The following KIAA0753 variants were observed in gnomAD, a reference collection of about 807,000 sequenced individuals.
KIAA0753 encodes the protein protein moonraker.
In KIAA0753, 114 loss-of-function variants were observed where a neutral mutation model predicts 116.9. The ratio of observed to expected loss-of-function variants is 0.98; its 90% confidence interval spans 0.84 to 1.14. KIAA0753 has a LOEUF of 1.14. Ranked by LOEUF, KIAA0753 falls within the 50% of genes most tolerant of loss-of-function variation. KIAA0753 has a pLI of 0.00. For synonymous variants in KIAA0753, 405 were observed against 413.1 expected (o/e 0.98, Z 0.24); for missense variants, 1,156 against 1,172.4 (o/e 0.99, Z 0.20).
At position 6,612,080 on chromosome 17, in the gene KIAA0753, C is replaced by T. The variant is rs1451067442; in HGVS notation, c.1384G>A (p.Ala462Thr). ...GGTCCTTCTTCCAGAACTATATCCG[C>T]ATCTAATACATCAAGCTCACTCTGC... is the stretch of plus-strand genomic sequence containing the variant. Reference protein sequence around the residue: ...RLQSELDVLDADIVLEEGPFI... With the variant: ...RLQSELDVLDTDIVLEEGPFI... The change falls in exon 8 of 19, where the codon GCG (alanine) becomes ACG (threonine). Residue 462 changes from alanine to threonine, a missense_variant. Physicochemically the swap from Ala to Thr is moderately conservative, Grantham distance 58 (BLOSUM62 0). Coordinates refer to ENST00000361413, the MANE Select transcript of KIAA0753 (RefSeq NM_014804.3). 6.2e-7 allele frequency: 1 copy of T among 1,614,180 alleles called. No homozygotes were observed. The highest frequency in any genetic ancestry group is 2.2e-5 in the East Asian group (1 of 44,882).
chr17:6,611,904 G>A lies in KIAA0753; in HGVS notation c.1545+15C>T, dbSNP rs1470745821. On this transcript the variant is annotated intron_variant, in intron 8 of 18. Coordinates refer to ENST00000361413, the MANE Select transcript of KIAA0753 (RefSeq NM_014804.3). ...ATTAACACAAATGGGCCAAAAGAGAGGAATGATTTCATACTTGCTGTCTTG... is the reference window on the plus strand; with the variant it reads ...ATTAACACAAATGGGCCAAAAGAGAAGAATGATTTCATACTTGCTGTCTTG... 2 of 1,605,582 alleles carry A rather than the reference G, an allele frequency of 1.2e-6. No homozygotes were observed. The highest frequency in any genetic ancestry group is 2.2e-5 in the South Asian group (2 of 90,844).
At position 6,596,238 on chromosome 17, in the gene KIAA0753, A is replaced by G. The variant is rs531928544; in HGVS notation, c.2278T>C (p.Ser760Pro). 41 of 1,613,566 alleles carry G rather than the reference A, an allele frequency of 2.5e-5. No individual in the cohort carries two copies. Among genetic ancestry groups the G allele is most frequent in the Non-Finnish European group, 3.1e-5 (37 of 1,179,820 alleles). The change falls in exon 15 of 19, where the codon TCT becomes CCT. Residue 760 changes from serine to proline, a missense_variant. Physicochemically the swap from Ser to Pro is moderately conservative, Grantham distance 74. Transcript: ENST00000361413. ...TCCTCAACGGTGGCTAAGGTTTCAG[A>G]CCCCAAGATCTTAGCATGAGTCACA... is the stretch of plus-strand genomic sequence containing the variant. ...WAVTHAKILG[S>P]ETLATVEDSK...
chr17:6,606,254 A>G (rs1970187666), intron 12 of KIAA0753, among the ~76,000 whole-genome samples: 1 of 152,196 alleles, frequency 6.6e-6, no homozygotes, highest in Non-Finnish European at 1.5e-5. Context: ...CTGAGACTGA[A>G]CACTCCATCA....
intron 7 of KIAA0753, among the ~76,000 whole-genome samples, chr17:6,616,157 A>C (rs1007799718): frequency 5.3e-5 from 8 of 152,362 alleles, no homozygotes; most frequent in East Asian, 1.9e-4. Flanking sequence ...CCATAATCTT[A>C]AGTGTTTTAC....
chr17:6,603,065 T>C lies in KIAA0753; in HGVS notation c.2010-2607A>G, dbSNP rs1969978056. ...CTCTCAACATTTTTAAATTTTAAAA[T>C]TTAAACACTGGCAGAAATGACAAAC... is the stretch of plus-strand genomic sequence containing the variant. On this transcript the variant is annotated intron_variant, in intron 12 of 18. Coordinates refer to ENST00000361413, the MANE Select transcript of KIAA0753 (RefSeq NM_014804.3). Among the ~76,000 whole-genome samples the C allele has an allele frequency of 2.6e-5, 4 of 152,100 alleles. No homozygotes were observed. In the South Asian group the frequency reaches 8.3e-4, roughly 32 times the overall value.
In KIAA0753 at chr17:6,626,250, G is replaced by A. The variant is rs115467142; in HGVS notation, c.719-1389C>T. Among the ~76,000 whole-genome samples the A allele has an allele frequency of 7.2e-3, 1,099 of 152,226 alleles. 11 individuals are homozygous for A. Among genetic ancestry groups the A allele is most frequent in the Middle Eastern group, 0.027 (8 of 294 alleles). On this transcript the variant is annotated intron_variant, in intron 3 of 18. Transcript: ENST00000361413. ...CACTTATACAAACAAATTCTTATAC[G>A]AAACTCCAATATACTCCAATTATCA...
chr17:6,621,887 T>C (rs757578792), intron 6 of KIAA0753, among the ~76,000 whole-genome samples: 3 of 152,216 alleles, frequency 2.0e-5, no homozygotes, highest in Non-Finnish European at 4.4e-5. Context: ...AGGTCTGCAT[T>C]TGACAACAGC....
intron 14 of KIAA0753, among the ~76,000 whole-genome samples, chr17:6,597,520 T>C (rs1969566972): frequency 6.6e-6 from 1 of 152,232 alleles, no homozygotes; most frequent in Non-Finnish European, 1.5e-5. Flanking sequence ...GAACAGCATA[T>C]GGCACCTGCT....
intron 2 of KIAA0753, among the ~76,000 whole-genome samples, chr17:6,630,433 C>G (rs1459730200): frequency 2.0e-5 from 3 of 151,548 alleles, no homozygotes; most frequent in Non-Finnish European, 4.4e-5. Context: ...CAATCGCTAA[C>G]AAAAACACCA....
Position 6,596,065 on chromosome 17 carries a change from C to T in KIAA0753, c.2358+93G>A, listed in dbSNP as rs147306900. 6.0e-3 allele frequency: 7,594 copies of T among 1,264,662 alleles called. 29 individuals carry two copies. The highest frequency in any genetic ancestry group is 7.2e-3 in the Non-Finnish European group (6,513 of 898,380). 78.3% of individuals were successfully genotyped at this position (1,264,662 alleles called of 1,614,324 possible). ...GATTTAAAACTGGGACTGTGTGACT[C>T]TAACAGATGAGGCTGCAGAGGCATG... On this transcript the variant is annotated intron_variant, in intron 15 of 18. Transcript: ENST00000361413.
Position 6,623,508 on chromosome 17 carries a change from C to A in KIAA0753, c.888+1G>T. ...TTGATCATAATTTAATTGCAGCATA[C>A]CTTCTTAGTGTGTTTAATTTTATGT... On this transcript the variant is annotated splice_donor_variant, in intron 5 of 18. Transcript: ENST00000361413. LOFTEE classifies it high-confidence loss of function. 3 of 1,594,896 alleles carry A rather than the reference C, an allele frequency of 1.9e-6. No individual in the cohort carries two copies. The highest frequency in any genetic ancestry group is 2.6e-6 in the Non-Finnish European group (3 of 1,165,558).
chr17:6,624,845 A>C lies in KIAA0753; in HGVS notation c.735T>G (p.Ala245=). The change falls in exon 4 of 19, where the codon GCT becomes GCG. Residue 245 remains alanine (A), a synonymous_variant. Coordinates refer to ENST00000361413, the MANE Select transcript of KIAA0753 (RefSeq NM_014804.3). ...TTCGACGTTCTTCATCTGGATCCAA[A>C]GCTTCTTCTAGTCTATCTGAAAATA... ...EVTKKDRLEE[A]LDPDEERRIR... is the part of the protein sequence containing the mutation. 1 of 1,556,366 alleles carries C rather than the reference A, an allele frequency of 6.4e-7. No individual in the cohort carries two copies. Among genetic ancestry groups the C allele is most frequent in the East Asian group, 2.4e-5 (1 of 42,084 alleles).
At chr17:6,588,491 T>C (rs1351004275) in intron 18 of KIAA0753, among the ~76,000 whole-genome samples, 2 of 152,070 alleles carry the variant, frequency 1.3e-5, no homozygotes, top group South Asian at 2.1e-4. Flanking sequence ...AAAAGGGGTC[T>C]CAGGAGAAAA....
Position 6,596,339 on chromosome 17 carries a change from G to T in KIAA0753, c.2177C>A (p.Ala726Glu). ...TAKAQPAQEVAAVDFESNNIR... is the reference protein window; with the variant it reads ...TAKAQPAQEVEAVDFESNNIR... ...GTTGTTGGATTCAAAATCAACAGCT[G>T]CAACCTACAAGATGGGGTGGGGTGG... The change falls in exon 15 of 19, where the codon GCA becomes GAA. Residue 726 changes from alanine to glutamate, a missense_variant. Ala to Glu is a moderately radical substitution (Grantham distance 107, BLOSUM62 -1). Coordinates refer to ENST00000361413, the MANE Select transcript of KIAA0753 (RefSeq NM_014804.3). 6.6e-7 allele frequency: 1 copy of T among 1,518,448 alleles called. No homozygotes were observed. Among genetic ancestry groups the T allele is most frequent in the Non-Finnish European group, 8.9e-7 (1 of 1,122,382 alleles). 94.1% of individuals were successfully genotyped at this position (1,518,448 alleles called of 1,614,324 possible).
chr17:6,618,881 T>C (rs1196371977), intron 7 of KIAA0753, among the ~76,000 whole-genome samples: 4 of 152,216 alleles, frequency 2.6e-5, no homozygotes, highest in Admixed American at 6.5e-5. Flanking sequence ...AAATATGTCA[T>C]TAATCTCATT....
chr17:6,589,891 G>A lies in KIAA0753; in HGVS notation c.2674C>T (p.Pro892Ser). Residue 892 changes from proline (P) to serine (S), a missense_variant, in exon 18 of 19, where the codon CCA (proline) becomes TCA (serine). Pro to Ser is a moderately conservative substitution (Grantham distance 74). Transcript: ENST00000361413. The stretch of plus-strand genomic sequence containing the variant: ...CCGATGCTGTGCTGCATACCCGGTG[G>A]GACAAAGAGGGGAGCTCGGCCTTCT... ...QKEGRAPLFV[P>S]PGMQHSIGDY... 1 of 1,613,886 alleles carries A rather than the reference G, an allele frequency of 6.2e-7. No individual in the cohort carries two copies.
At position 6,600,395 on chromosome 17, in the gene KIAA0753, G is replaced by A; in HGVS notation, c.2073C>T (p.Leu691=). 1 of 1,613,750 alleles carries A rather than the reference G, an allele frequency of 6.2e-7. No homozygotes were observed. Among genetic ancestry groups the A allele is most frequent in the South Asian group, 1.1e-5 (1 of 91,072 alleles). ...EEAVLDRLKP[L]LVKAQRVNST... is the part of the protein sequence containing the mutation. ...GATAGATTACCTGGGCCTTGACCAAGAGAGGCTTCAAACGATCCAGAACTG... is the reference window on the plus strand; with the variant it reads ...GATAGATTACCTGGGCCTTGACCAAAAGAGGCTTCAAACGATCCAGAACTG... The change falls in exon 13 of 19, where the codon CTC becomes CTT. Residue 691 remains leucine, a synonymous_variant. Transcript: ENST00000361413.
intron 2 of KIAA0753, among the ~76,000 whole-genome samples, chr17:6,629,802 G>C (rs1047767797): frequency 6.6e-6 from 1 of 152,148 alleles, no homozygotes; most frequent in African/African-American, 2.4e-5. Flanking sequence ...CTTCAGGGAA[G>C]TATTTCGGAT....
chr17:6,579,828 A>G lies in KIAA0753; in HGVS notation c.2823T>C (p.Ala941=), dbSNP rs1968010120. ...ACATATCCTGAAGTTCAGCAGCCAC[A>G]GCACCCAGAGCTTCATCTACCAGCT... The part of the protein sequence containing the change: ...SEELVDEALG[A]VAAELQDMCE... Residue 941 remains alanine (A), a synonymous_variant, in exon 19 of 19, where the codon GCT becomes GCC. Transcript: ENST00000361413. The G allele has an allele frequency of 6.2e-7, 1 of 1,613,788 alleles. No homozygotes were observed.
Sources: gnomAD v4.1 joint callset for allele counts (sites outside exome capture counted in the v4.1 genomes callset) on GRCh38, gnomAD v4.1.1 for gene constraint, MANE v1.5 for transcripts, NCBI Gene and HGNC (gene_info 2026-07-23, HGNC 2026-07-21) for gene names.